PPP1R12A: variants seen among roughly 807,000 people sequenced by gnomAD.
PPP1R12A encodes protein phosphatase 1 regulatory subunit 12A, also known as myosin binding subunit.
In PPP1R12A, 19 loss-of-function variants were observed where a neutral mutation model predicts 139.6. That is an observed-to-expected ratio of 0.14 (90% CI 0.09 to 0.20). PPP1R12A has a LOEUF of 0.20. Among genes scored for constraint, PPP1R12A ranks in the 10% least tolerant of loss-of-function variants. The pLI is 1.00. For missense variants in PPP1R12A, 925 were observed against 1,211.5 expected (o/e 0.76, Z 3.51); for synonymous variants, 427 against 420.6 (o/e 1.02, Z -0.19).
Position 79,786,396 on chromosome 12 carries a change from A to T in PPP1R12A, c.2885T>A (p.Leu962Ter). The T allele has an allele frequency of 6.4e-7, 1 of 1,555,648 alleles. No homozygotes were observed. Among genetic ancestry groups the T allele is most frequent in the Non-Finnish European group, 8.7e-7 (1 of 1,149,272 alleles). The change falls in exon 22 of 25, where the codon TTA becomes TAA. Residue 962 changes from leucine to a stop codon, truncating the protein, a stop_gained. Coordinates refer to ENST00000450142, the MANE Select transcript of PPP1R12A (RefSeq NM_002480.3). LOFTEE classifies it high-confidence loss of function. ...AACCTGGGTGGCCTTTTCCAACTGT[A>T]ATTTAAGATCTGTTAGTTCCATATT... ...DTNMELTDLK[L>*]QLEKATQRQE...
intron 3 of PPP1R12A, among the ~76,000 whole-genome samples, chr12:79,844,126 G>C (rs1196887038): frequency 1.3e-5 from 2 of 151,898 alleles, no homozygotes; most frequent in East Asian, 3.9e-4. Context: ...GTAAATGTGA[G>C]GAGTGGTGTA....
rs562369524 is a variant in PPP1R12A, at chr12:79,820,706, C to T, written c.1114+68G>A. ...ATCAGTCTGAAAAATTTAAAAATTA[C>T]GTCTCATCTTGTCTTATTTTACACT... is the stretch of plus-strand genomic sequence containing the variant. On this transcript the variant is annotated intron_variant, in intron 8 of 24. Coordinates refer to ENST00000450142, the MANE Select transcript of PPP1R12A (RefSeq NM_002480.3). 36 of 1,528,994 alleles carry T rather than the reference C, an allele frequency of 2.4e-5. No individual in the cohort carries two copies. In the East Asian group the frequency reaches 6.1e-4, roughly 26 times the overall value. 94.7% of individuals were successfully genotyped at this position (1,528,994 alleles called of 1,614,324 possible). A position where few individuals can be genotyped will look rare whatever the true frequency, so the allele number is the denominator to read the frequency against.
At position 79,820,460 on chromosome 12, in the gene PPP1R12A, A is replaced by G. The variant is rs148669651; in HGVS notation, c.1114+314T>C. Among the ~76,000 whole-genome samples the G allele has an allele frequency of 2.6e-5, 4 of 152,300 alleles. No homozygotes were observed. In the South Asian group the frequency reaches 8.3e-4, roughly 32 times the overall value. On this transcript the variant is annotated intron_variant, in intron 8 of 24. Coordinates refer to ENST00000450142, the MANE Select transcript of PPP1R12A (RefSeq NM_002480.3). ...CCTGGACGTTTGGACCTCAGAAGGA[A>G]CAGGAGCATTTCTCAATTGCTGAGA...
chr12:79,837,582 T>C (rs1592692176), intron 3 of PPP1R12A, among the ~76,000 whole-genome samples: 1 of 152,216 alleles, frequency 6.6e-6, no homozygotes, highest in African/African-American at 2.4e-5. Context: ...TCATCTTGAA[T>C]TGTAGTTCCC....
intron 21 of PPP1R12A, chr12:79,788,123 G>A (rs974505324): frequency 3.3e-5 from 5 of 152,290 alleles, no homozygotes; most frequent in Non-Finnish European, 5.9e-5. Context: ...AATTCAAATA[G>A]CTGCCAGATA....
intron 19 of PPP1R12A, among the ~76,000 whole-genome samples, chr12:79,790,775 T>C (rs1871744119): frequency 6.6e-6 from 1 of 152,204 alleles, no homozygotes; most frequent in Non-Finnish European, 1.5e-5. Flanking sequence ...AAATGATTAA[T>C]AAGGTAAAAC....
intron 1 of PPP1R12A, among the ~76,000 whole-genome samples, chr12:79,908,713 G>A (rs1886320629): frequency 6.6e-6 from 1 of 152,178 alleles, no homozygotes; most frequent in African/African-American, 2.4e-5. Context: ...ACTAACAGAA[G>A]ACCTGTGACC....
At chr12:79,892,636 A>G (rs1884761113) in intron 1 of PPP1R12A, among the ~76,000 whole-genome samples, 1 of 152,140 alleles carries the variant, frequency 6.6e-6, no homozygotes, top group African/African-American at 2.4e-5. Context: ...GCATATCACT[A>G]TCCTGTCAAA....
intron 24 of PPP1R12A, chr12:79,777,444 G>T: frequency 6.1e-6 from 6 of 984,424 alleles, no homozygotes; most frequent in Non-Finnish European, 7.2e-6. Flanking sequence ...GTAAAAGTGA[G>T]CTCTTACAAA....
intron 19 of PPP1R12A, among the ~76,000 whole-genome samples, chr12:79,792,574 T>C (rs1872021630): frequency 6.6e-6 from 1 of 152,194 alleles, no homozygotes; most frequent in African/African-American, 2.4e-5. Context: ...AAACTTTTCG[T>C]CTTAGAAACA....
chr12:79,888,414 G>T (rs1320276272), intron 1 of PPP1R12A, among the ~76,000 whole-genome samples: 1 of 152,112 alleles, frequency 6.6e-6, no homozygotes, highest in East Asian at 1.9e-4. Context: ...GGCACAAGCA[G>T]CATGTGTAAA....
intron 1 of PPP1R12A, among the ~76,000 whole-genome samples, chr12:79,890,031 G>A (rs1480234609): frequency 6.6e-6 from 1 of 152,166 alleles, no homozygotes; most frequent in Non-Finnish European, 1.5e-5. Flanking sequence ...TCCAAGATAT[G>A]AATTTTTAGG....
rs776262502 is a variant in PPP1R12A at position 79,822,195 on chromosome 12, G to A, written c.793-5C>T. 36 of 1,577,402 alleles carry A rather than the reference G, an allele frequency of 2.3e-5. No homozygotes were observed. The highest frequency in any genetic ancestry group is 2.7e-5 in the African/African-American group (2 of 74,272). On this transcript the variant is annotated splice_polypyrimidine_tract_variant and splice_region_variant and intron_variant, in intron 5 of 24. Transcript: ENST00000450142. ...TACATCAAAGGCTGTTTGGCCCTAC[G>A]TAGGAAACAAGGGGGGATGGTGATG...
intron 1 of PPP1R12A, among the ~76,000 whole-genome samples, chr12:79,918,908 G>C (rs945564391): frequency 4.7e-4 from 72 of 152,118 alleles, no homozygotes; most frequent in African/African-American, 1.6e-3. Context: ...TTGAGGTCAG[G>C]AGTTTGAGAC....
chr12:79,812,428 C>T (rs1020478768), intron 9 of PPP1R12A, among the ~76,000 whole-genome samples: 2 of 50,898 alleles, frequency 3.9e-5, no homozygotes, highest in Non-Finnish European at 8.6e-5. Flanking sequence ...GTGTAACGTT[C>T]CTTATACAGG....
rs112768202 is a variant in PPP1R12A at position 79,807,761 on chromosome 12, C to T, written c.1551-431G>A. On this transcript the variant is annotated intron_variant, in intron 11 of 24. Transcript: ENST00000450142. ...AAAAGTATATTAAAAAGTTATTGGC[C>T]GGGTGCAGTGGTTCACACCTGTAAC... Among the ~76,000 whole-genome samples, 761 of 151,864 alleles carry T rather than the reference C, an allele frequency of 5.0e-3. 7 individuals are homozygous for T. Among genetic ancestry groups the T allele is most frequent in the African/African-American group, 0.016 (674 of 41,456 alleles).
chr12:79,825,825 A>G (rs559735880), intron 5 of PPP1R12A, among the ~76,000 whole-genome samples: 61 of 152,142 alleles, frequency 4.0e-4, no homozygotes, highest in African/African-American at 1.2e-3. Context: ...TTTTGACTGA[A>G]CATGATGTAT....
chr12:79,933,252 C>A (rs996261791), intron 1 of PPP1R12A, among the ~76,000 whole-genome samples: 9 of 152,206 alleles, frequency 5.9e-5, no homozygotes, highest in Non-Finnish European at 1.2e-4. Flanking sequence ...ATGTGTCAAT[C>A]ATTTCAATAT....
intron 6 of PPP1R12A, among the ~76,000 whole-genome samples, chr12:79,821,378 G>A (rs748910169): frequency 2.0e-5 from 3 of 152,116 alleles, no homozygotes; most frequent in East Asian, 1.9e-4. Flanking sequence ...GGGCTAAGAT[G>A]GATTTTTTAC....
Sources: allele counts gnomAD v4.1 joint callset (sites outside exome capture counted in the v4.1 genomes callset), GRCh38; gene constraint gnomAD v4.1.1; transcripts MANE v1.5; gene names NCBI Gene and HGNC (gene_info 2026-07-23, HGNC 2026-07-21).